Variants in PSMB1 observed in about 807,000 individuals in gnomAD.
PSMB1 encodes the protein proteasome 20S subunit beta 1.
Under a neutral mutation model 25.4 loss-of-function variants are expected in PSMB1, and 7 were observed. The ratio of observed to expected loss-of-function variants is 0.28; its 90% CI spans 0.16 to 0.52. The LOEUF (loss-of-function observed/expected upper bound fraction) is 0.52, where lower values mean the gene tolerates loss of function less well. Ranked by LOEUF, PSMB1 falls within the 20% of genes least tolerant of loss-of-function variation. The pLI is 0.97. For missense variants in PSMB1, 284 were observed against 302.2 expected (o/e 0.94, Z 0.45); for synonymous variants, 119 against 115.0 (o/e 1.03, Z -0.22).
At chr6:170,536,562 G>A in intron 5 of PSMB1, 1 of 446,998 alleles carries the variant, frequency 2.2e-6, no homozygotes, top group Non-Finnish European at 4.5e-6. Flanking sequence ...GATTCTCCTT[G>A]TAAACAGATG....
intron 1 of PSMB1, chr6:170,550,012 G>A (rs1778871585): frequency 1.3e-5 from 2 of 152,184 alleles, no homozygotes; most frequent in African/African-American, 4.8e-5. Context: ...GCAAGTTGAT[G>A]ATAACAGTAC....
intron 4 of PSMB1, among the ~76,000 whole-genome samples, chr6:170,539,018 T>C (rs1384247951): frequency 6.6e-6 from 1 of 152,064 alleles, no homozygotes; most frequent in Non-Finnish European, 1.5e-5. Flanking sequence ...GGGTGGGCTA[T>C]GTCCAAGAAC....
intron 2 of PSMB1, among the ~76,000 whole-genome samples, chr6:170,548,433 C>T (rs1274752344): frequency 6.6e-6 from 1 of 151,374 alleles, no homozygotes; most frequent in Non-Finnish European, 1.5e-5. Context: ...TTAGGAAAAA[C>T]ATAGCTAGCC....
chr6:170,548,915 C>G, intron 2 of PSMB1, 91 bp downstream of exon 2: 2 of 989,644 alleles, frequency 2.0e-6, no homozygotes, highest in Non-Finnish European at 1.5e-6. Context: ...AACTTAAAAA[C>G]TCATGAAACA....
intron 2 of PSMB1, among the ~76,000 whole-genome samples, chr6:170,548,349 T>G (rs1778848638): frequency 6.6e-6 from 1 of 152,214 alleles, no homozygotes; most frequent in South Asian, 2.1e-4. Context: ...TACAGACCAC[T>G]GCCAATCTGC....
At chr6:170,545,197 A>G (rs1778803872) in intron 3 of PSMB1, among the ~76,000 whole-genome samples, 1 of 152,112 alleles carries the variant, frequency 6.6e-6, no homozygotes, top group Non-Finnish European at 1.5e-5. Context: ...AAGCACCAAC[A>G]TTTATTTACT....
chr6:170,546,490 A>G (rs1446253626), intron 2 of PSMB1, among the ~76,000 whole-genome samples: 2 of 152,246 alleles, frequency 1.3e-5, no homozygotes, highest in Admixed American at 1.3e-4. Flanking sequence ...TTTGAGACGG[A>G]GTTTCGCTCT....
intron 4 of PSMB1, among the ~76,000 whole-genome samples, chr6:170,539,753 T>C (rs1276392469): frequency 6.6e-6 from 1 of 152,110 alleles, no homozygotes; most frequent in East Asian, 1.9e-4. Context: ...AAGACAAGCA[T>C]AATTGGGGAA....
rs762213623 is a variant in PSMB1 at position 170,553,234 on chromosome 6, G to A, written c.9C>T (p.Ser3=). Residue 3 remains serine, a synonymous_variant, in exon 1 of 6, where the codon TCC becomes TCT. Transcript: ENST00000262193. ...CAGGAGCCGAATACATGGCTGTAGA[G>A]GACAACATCGCACGGCTGCGCCTGC... ML[S]STAMYSAPGR... 6 of 1,610,860 alleles carry A rather than the reference G, an allele frequency of 3.7e-6. No individual in the cohort carries two copies. In the African/African-American group the frequency reaches 8.0e-5, roughly 22 times the overall value.
intron 5 of PSMB1, among the ~76,000 whole-genome samples, chr6:170,535,792 C>T (rs1243349279): frequency 6.6e-6 from 1 of 152,164 alleles, no homozygotes; most frequent in Non-Finnish European, 1.5e-5. Flanking sequence ...GCGCTGAAGG[C>T]TACACTGAAG....
intron 4 of PSMB1, among the ~76,000 whole-genome samples, chr6:170,543,144 C>G (rs1778775932): frequency 6.6e-6 from 1 of 152,138 alleles, no homozygotes. Flanking sequence ...TGGTCTGACT[C>G]TGACAAAATC....
chr6:170,538,814 GA>G (rs1554243200), intron 4 of PSMB1, among the ~76,000 whole-genome samples: 20 of 152,214 alleles, frequency 1.3e-4, no homozygotes, highest in Non-Finnish European at 7.3e-5. Flanking sequence ...CAAGACATGA[GA>G]TCACAGCAGG....
At chr6:170,540,030 A>C (rs1334624695) in intron 4 of PSMB1, among the ~76,000 whole-genome samples, 1 of 152,222 alleles carries the variant, frequency 6.6e-6, no homozygotes, top group African/African-American at 2.4e-5. Flanking sequence ...GTATGTATAA[A>C]CATGTACTGA....
intron 4 of PSMB1, among the ~76,000 whole-genome samples, chr6:170,540,685 A>G (rs2143084): frequency 0.99 from 148,239 of 150,044 alleles, 73,244 homozygotes; most frequent in Middle Eastern, 1. Context: ...GAAAAAAAAA[A>G]CATTCTGATG....
At chr6:170,551,867 C>T (rs1010408127) in intron 1 of PSMB1, among the ~76,000 whole-genome samples, 2 of 152,144 alleles carry the variant, frequency 1.3e-5, no homozygotes, top group Non-Finnish European at 2.9e-5. Flanking sequence ...TTGCAATTTA[C>T]AAAATGCATC....
chr6:170,543,472 C>T (rs1292137839), intron 4 of PSMB1, 129 bp downstream of exon 4: 7 of 1,023,816 alleles, frequency 6.8e-6, no homozygotes, highest in South Asian at 2.3e-5. Flanking sequence ...TCATCACTTT[C>T]ATTATCAGAA....
At position 170,547,499 on chromosome 6, in the gene PSMB1, C is replaced by A. The variant is rs559902313; in HGVS notation, c.222-1315G>T. 2.1e-4 allele frequency among the ~76,000 whole-genome samples: 32 copies of A among 152,342 alleles called. No individual in the cohort carries two copies. In the Middle Eastern group the frequency reaches 0.014, roughly 65 times the overall value. On this transcript the variant is annotated intron_variant, in intron 2 of 5. Coordinates refer to ENST00000262193, the MANE Select transcript of PSMB1 (RefSeq NM_002793.4). ...GAAACTTACGAATGACTCGCACAAA[C>A]CATACCTGTCCTACTAGGAGAGCAG... is the stretch of plus-strand genomic sequence containing the variant.
chr6:170,546,324 G>A, intron 2 of PSMB1, 140 bp from the exon 3 acceptor site: 1 of 671,976 alleles, frequency 1.5e-6, no homozygotes, highest in Non-Finnish European at 2.6e-6. Context: ...CTGGGGAGGA[G>A]GGGTCTGTAT....
intron 5 of PSMB1, 149 bp downstream of exon 5, chr6:170,537,085 G>C: frequency 1.6e-6 from 1 of 632,058 alleles, no homozygotes; most frequent in Non-Finnish European, 2.8e-6. Context: ...TGTAGGACAC[G>C]TCTGCCAAAC....
Sources: allele counts gnomAD v4.1 joint callset (sites outside exome capture counted in the v4.1 genomes callset), GRCh38; gene constraint gnomAD v4.1.1; transcripts MANE v1.5; gene names NCBI Gene and HGNC (gene_info 2026-07-23, HGNC 2026-07-21).